PIAS2: variants seen among roughly 807,000 people sequenced by gnomAD.
PIAS2 encodes the protein E3 SUMO-protein ligase PIAS2.
A neutral mutation model predicts 69.7 loss-of-function variants in PIAS2; 19 were observed. The ratio of observed to expected loss-of-function variants is 0.27; its 90% CI spans 0.19 to 0.40. PIAS2 has a LOEUF of 0.40. Among genes scored for constraint, PIAS2 ranks in the 10% least tolerant of loss-of-function variants. The probability of loss-of-function intolerance (pLI) is 1.00; values close to 1 mark genes in which losing one functional copy is unlikely to be tolerated. For missense variants in PIAS2, 624 were observed against 757.0 expected (o/e 0.82, Z 2.06); for synonymous variants, 261 against 263.2 (o/e 0.99, Z 0.08).
At chr18:46,877,985 T>G (rs772392741) in intron 2 of PIAS2, among the ~76,000 whole-genome samples, 28 of 152,184 alleles carry the variant, frequency 1.8e-4, no homozygotes, top group Non-Finnish European at 3.4e-4. Flanking sequence ...TCTTATCAAT[T>G]CCAAGTATTC....
chr18:46,912,854 C>T (rs747313945), intron 1 of PIAS2, among the ~76,000 whole-genome samples: 8 of 152,002 alleles, frequency 5.3e-5, no homozygotes, highest in Non-Finnish European at 1.0e-4. Flanking sequence ...GTACTGTCTG[C>T]ACAAATATTG....
intron 2 of PIAS2, among the ~76,000 whole-genome samples, chr18:46,884,630 A>G (rs950797980): frequency 3.3e-5 from 5 of 151,854 alleles, no homozygotes; most frequent in African/African-American, 1.2e-4. Flanking sequence ...TTTAAAAATT[A>G]TCTTGCCAGG....
At chr18:46,818,250 T>C (rs2041779329) in intron 12 of PIAS2, 1 of 1,249,344 alleles carries the variant, frequency 8.0e-7, no homozygotes, top group African/African-American at 1.6e-5. Context: ...CAAATTTTAA[T>C]GATACAACTT....
rs748326398 is a variant in PIAS2 at position 46,855,353 on chromosome 18, G to A, written c.718C>T (p.Pro240Ser). The A allele has an allele frequency of 1.3e-6, 2 of 1,599,862 alleles. No homozygotes were observed. Among genetic ancestry groups the A allele is most frequent in the South Asian group, 2.2e-5 (2 of 89,238 alleles). Residue 240 changes from proline (P) to serine (S), a missense_variant, in exon 5 of 14, where the codon CCT (proline) becomes TCT (serine). Pro to Ser is a moderately conservative substitution (Grantham distance 74). This residue lies in a region of PIAS2 where 339 missense variants were observed against 408.8 expected (regional missense o/e 0.83). Coordinates refer to ENST00000585916, the MANE Select transcript of PIAS2 (RefSeq NM_004671.5). ...AATAAAAAGCAACTTACAGGCAAAG[G>A]AAATAGCTTCCCATTTACTTTTATA... ...LCIKVNGKLFPLPGYAPPPKN... is the reference protein window; with the variant it reads ...LCIKVNGKLFSLPGYAPPPKN...
intron 1 of PIAS2, among the ~76,000 whole-genome samples, chr18:46,911,171 C>T (rs1324344042): frequency 3.3e-5 from 5 of 151,410 alleles, no homozygotes; most frequent in African/African-American, 1.2e-4. Context: ...TTAAAAATAA[C>T]TTCAATGAGC....
At chr18:46,887,516 A>G (rs1041676742) in intron 2 of PIAS2, among the ~76,000 whole-genome samples, 2 of 152,246 alleles carry the variant, frequency 1.3e-5, no homozygotes, top group African/African-American at 4.8e-5. Context: ...TTTCATAAAG[A>G]AATTCAAATA....
chr18:46,895,765 C>G (rs1373462552), intron 1 of PIAS2, among the ~76,000 whole-genome samples: 3 of 152,080 alleles, frequency 2.0e-5, no homozygotes, highest in Non-Finnish European at 4.4e-5. Flanking sequence ...AGTGACCAAG[C>G]TAATGCCATA....
chr18:46,887,024 G>A (rs1233813257), intron 2 of PIAS2, among the ~76,000 whole-genome samples: 1 of 152,050 alleles, frequency 6.6e-6, no homozygotes, highest in Non-Finnish European at 1.5e-5. Flanking sequence ...CTTTGCTTGT[G>A]GAATTTAAAC....
chr18:46,829,223 G>C (rs1364117204), intron 10 of PIAS2, among the ~76,000 whole-genome samples: 2 of 152,158 alleles, frequency 1.3e-5, no homozygotes, highest in Non-Finnish European at 2.9e-5. Context: ...GCAGGCAGTT[G>C]ATGGATGAGT....
rs747526829 is a variant in PIAS2 at position 46,812,525 on chromosome 18, T to A, written c.1774A>T (p.Ser592Cys). Residue 592 changes from serine (S) to cysteine (C), a missense_variant, in exon 14 of 14, where the codon AGT becomes TGT. Around this residue, in one of 3 missense-constraint regions of PIAS2, gnomAD observed 241 missense variants for 257.3 expected, o/e 0.94. Transcript: ENST00000585916. Reference protein sequence around the residue: ...SVTTTSSHESSTHVSSSSSRS... With the variant: ...SVTTTSSHESCTHVSSSSSRS... ...CTGCTGGATGAACTAACATGAGTAC[T>A]GCTTTCATGGGAGCTGGTGGTGGTG... 1.9e-6 allele frequency: 3 copies of A among 1,612,640 alleles called. No individual in the cohort carries two copies. The East Asian group carries it at 6.7e-5, about 36-fold the overall frequency.
At chr18:46,817,572 C>A (rs944438224) in intron 12 of PIAS2, 1 of 916,352 alleles carries the variant, frequency 1.1e-6, no homozygotes, top group African/African-American at 1.8e-5. Flanking sequence ...ATTTACTTAT[C>A]TGTATATTGA....
At chr18:46,897,145 G>A (rs1460310574) in intron 1 of PIAS2, among the ~76,000 whole-genome samples, 1 of 152,116 alleles carries the variant, frequency 6.6e-6, no homozygotes, top group Non-Finnish European at 1.5e-5. Flanking sequence ...ACCTTCCCAA[G>A]TTTTCTGTAA....
chr18:46,817,559 G>C (rs2041692914), intron 12 of PIAS2: 1 of 923,428 alleles, frequency 1.1e-6, no homozygotes, highest in Non-Finnish European at 1.3e-6. Flanking sequence ...AAACAATTAA[G>C]AGATTTACTT....
At chr18:46,880,410 A>G (rs1301964093) in intron 2 of PIAS2, among the ~76,000 whole-genome samples, 1 of 151,874 alleles carries the variant, frequency 6.6e-6, no homozygotes, top group East Asian at 1.9e-4. Context: ...AAACAAAACA[A>G]CTGGGCAGGG....
intron 3 of PIAS2, among the ~76,000 whole-genome samples, chr18:46,858,562 T>A (rs1460726738): frequency 6.6e-6 from 1 of 152,058 alleles, no homozygotes; most frequent in Non-Finnish European, 1.5e-5. Flanking sequence ...CCAGGCATGG[T>A]GGCACATGCC....
chr18:46,906,598 C>G (rs2056624915), intron 1 of PIAS2, among the ~76,000 whole-genome samples: 1 of 152,000 alleles, frequency 6.6e-6, no homozygotes, highest in African/African-American at 2.4e-5. Context: ...ATTTGCAATA[C>G]TTTAACTGAA....
Position 46,804,137 on chromosome 18 carries a change from G to C in PIAS2, c.*8296C>G, listed in dbSNP as rs1465476681. Reference sequence around the variant, plus strand: ...TTTCTTCATCCACCAATATTTACTGGGCACCTTCTATGTAGCCCATATCAT... The same window carrying C: ...TTTCTTCATCCACCAATATTTACTGCGCACCTTCTATGTAGCCCATATCAT... On this transcript the variant is annotated 3_prime_UTR_variant, in exon 14 of 14. Coordinates refer to ENST00000585916, the MANE Select transcript of PIAS2 (RefSeq NM_004671.5). The C allele has an allele frequency of 1.3e-5, 2 of 152,020 alleles. No homozygotes were observed. Among genetic ancestry groups the C allele is most frequent in the Non-Finnish European group, 2.9e-5 (2 of 68,010 alleles). 9.4% of individuals were successfully genotyped at this position (152,020 alleles called of 1,614,324 possible).
At chr18:46,880,089 TAAA>T (rs58230183) in intron 2 of PIAS2, among the ~76,000 whole-genome samples, 8 of 110,374 alleles carry the variant, frequency 7.2e-5, no homozygotes, top group Admixed American at 9.8e-5. Context: ...TTTACCACAG[TAAA>T]AAAAAAAAAA....
At chr18:46,895,485 A>G (rs530062771) in intron 1 of PIAS2, among the ~76,000 whole-genome samples, 58 of 152,286 alleles carry the variant, frequency 3.8e-4, no homozygotes, top group African/African-American at 1.2e-3. Flanking sequence ...AGCCAGGCCA[A>G]AAAGGCAAAA....
Sources: gnomAD v4.1 joint callset for allele counts (sites outside exome capture counted in the v4.1 genomes callset) on GRCh38, gnomAD v4.1.1 for gene constraint, gnomAD v4.1.1 regional missense constraint, MANE v1.5 for transcripts, NCBI Gene and HGNC (gene_info 2026-07-23, HGNC 2026-07-21) for gene names.